Variants in CDH18 observed in about 807,000 individuals in gnomAD.
CDH18 encodes the protein cadherin 18.
In CDH18, 31 loss-of-function variants were observed where a neutral mutation model predicts 67.9. That is an observed-to-expected ratio of 0.46 (90% CI 0.34 to 0.62). CDH18 has a LOEUF of 0.62. CDH18 is among the 20% of genes least tolerant of loss of function. The probability of loss-of-function intolerance (pLI) is 0.01; values close to 1 mark genes in which losing one functional copy is unlikely to be tolerated. For synonymous variants in CDH18, 362 were observed against 347.2 expected (o/e 1.04, Z -0.48); for missense variants, 890 against 975.5 (o/e 0.91, Z 1.17).
At chr5:19,500,262 C>A (rs1743021770) in intron 11 of CDH18, among the ~76,000 whole-genome samples, 1 of 152,042 alleles carries the variant, frequency 6.6e-6, no homozygotes, top group Non-Finnish European at 1.5e-5. Flanking sequence ...TGTATGTATA[C>A]AGTTTGGTAG....
At chr5:20,510,255 A>G (rs1754948540) in intron 1 of CDH18, among the ~76,000 whole-genome samples, 1 of 152,026 alleles carries the variant, frequency 6.6e-6, no homozygotes. Flanking sequence ...TCTCAGTGTT[A>G]TATAATTGTT....
At chr5:20,057,414 T>G (rs1184202884) in intron 2 of CDH18, among the ~76,000 whole-genome samples, 1 of 152,228 alleles carries the variant, frequency 6.6e-6, no homozygotes, top group Non-Finnish European at 1.5e-5. Flanking sequence ...TTTGTTGTAC[T>G]GAAATTATTA....
chr5:20,012,480 A>G (rs553918015), intron 2 of CDH18, among the ~76,000 whole-genome samples: 16 of 151,738 alleles, frequency 1.1e-4, no homozygotes, highest in African/African-American at 3.6e-4. Flanking sequence ...AATTTTGTTG[A>G]AGCTGAGAGC....
chr5:19,477,651 A>AT (rs1738713298), intron 12 of CDH18, among the ~76,000 whole-genome samples: 1 of 152,102 alleles, frequency 6.6e-6, no homozygotes, highest in Non-Finnish European at 1.5e-5. Context: ...ATAATTATAC[A>AT]TATAAATAGA....
At chr5:20,245,360 A>C (rs916349156) in intron 2 of CDH18, among the ~76,000 whole-genome samples, 5 of 152,102 alleles carry the variant, frequency 3.3e-5, no homozygotes, top group African/African-American at 1.2e-4. Context: ...ATTATGAAAA[A>C]CAATGTATTT....
intron 1 of CDH18, among the ~76,000 whole-genome samples, chr5:20,333,755 C>A (rs1029431468): frequency 6.6e-6 from 1 of 152,004 alleles, no homozygotes; most frequent in East Asian, 1.9e-4. Flanking sequence ...CACCTTGACT[C>A]CAAAATAGTT....
At chr5:19,787,762 T>C (rs1775961240) in intron 3 of CDH18, among the ~76,000 whole-genome samples, 1 of 150,696 alleles carries the variant, frequency 6.6e-6, no homozygotes. Flanking sequence ...AAATAATGGA[T>C]GTAAGACGCC....
chr5:20,299,424 A>G (rs1747783100), intron 1 of CDH18, among the ~76,000 whole-genome samples: 1 of 151,328 alleles, frequency 6.6e-6, no homozygotes, highest in African/African-American at 2.4e-5. Context: ...ACACACACAC[A>G]CACACACACA....
chr5:20,065,450 C>T (rs1016155791), intron 2 of CDH18, among the ~76,000 whole-genome samples: 7 of 151,720 alleles, frequency 4.6e-5, no homozygotes, highest in East Asian at 1.9e-4. Context: ...AATAAAAAGG[C>T]GAAGGGTAAT....
chr5:20,055,814 C>T (rs1741846291), intron 2 of CDH18, among the ~76,000 whole-genome samples: 1 of 151,936 alleles, frequency 6.6e-6, no homozygotes, highest in Non-Finnish European at 1.5e-5. Context: ...ATTGTTATCA[C>T]CTGCCTTGAA....
intron 5 of CDH18, among the ~76,000 whole-genome samples, chr5:19,635,323 A>G (rs1580621319): frequency 6.6e-6 from 1 of 152,324 alleles, no homozygotes; most frequent in Admixed American, 6.5e-5. Flanking sequence ...TACATCAGAT[A>G]TGCTTACTGA....
intron 2 of CDH18, among the ~76,000 whole-genome samples, chr5:19,977,590 G>T (rs1022807892): frequency 5.3e-5 from 8 of 152,168 alleles, no homozygotes; most frequent in African/African-American, 1.9e-4. Flanking sequence ...GCTAAAGAGG[G>T]CTTTTATAAC....
At chr5:20,468,448 A>G (rs1197405843) in intron 1 of CDH18, among the ~76,000 whole-genome samples, 2 of 152,140 alleles carry the variant, frequency 1.3e-5, no homozygotes, top group African/African-American at 2.4e-5. Flanking sequence ...TTCCCTAAGT[A>G]TATCATGATG....
At chr5:20,129,493 T>A (rs182126067) in intron 2 of CDH18, among the ~76,000 whole-genome samples, 20 of 152,180 alleles carry the variant, frequency 1.3e-4, no homozygotes, top group African/African-American at 4.6e-4. Context: ...GCACCAGAGA[T>A]GCTGGGTGAG....
chr5:20,490,212 G>A (rs1436137891), intron 1 of CDH18, among the ~76,000 whole-genome samples: 2 of 151,992 alleles, frequency 1.3e-5, no homozygotes, highest in Non-Finnish European at 2.9e-5. Context: ...CCATTTTTAT[G>A]ATCAAAAGGC....
At chr5:19,666,580 T>C (rs1283177379) in intron 5 of CDH18, among the ~76,000 whole-genome samples, 2 of 151,856 alleles carry the variant, frequency 1.3e-5, no homozygotes, top group African/African-American at 2.4e-5. Context: ...TCTGGACAGG[T>C]TGAACTTGTG....
At chr5:19,664,747 A>C (rs923302103) in intron 5 of CDH18, among the ~76,000 whole-genome samples, 7 of 151,948 alleles carry the variant, frequency 4.6e-5, no homozygotes, top group Non-Finnish European at 8.8e-5. Flanking sequence ...TATGCCCCTC[A>C]CTGCATTAAA....
At chr5:20,443,177 T>C (rs1328307820) in intron 1 of CDH18, among the ~76,000 whole-genome samples, 1 of 112,004 alleles carries the variant, frequency 8.9e-6, no homozygotes, top group Non-Finnish European at 1.6e-5. Flanking sequence ...GCCACTGCAC[T>C]CCAGCCTGGG....
intron 3 of CDH18, among the ~76,000 whole-genome samples, chr5:19,817,073 C>A (rs1779365988): frequency 6.6e-6 from 1 of 151,532 alleles, no homozygotes; most frequent in South Asian, 2.1e-4. Flanking sequence ...CATAAATAGG[C>A]AGTTAATAAA....
Sources: gnomAD v4.1 joint callset for allele counts (sites outside exome capture counted in the v4.1 genomes callset) on GRCh38, gnomAD v4.1.1 for gene constraint, MANE v1.5 for transcripts, NCBI Gene and HGNC (gene_info 2026-07-23, HGNC 2026-07-21) for gene names.